SLC16A12: variants seen among roughly 807,000 people sequenced by gnomAD.
SLC16A12 encodes the protein monocarboxylate transporter 12.
In SLC16A12, 17 loss-of-function variants were observed where a neutral mutation model predicts 42.4. The observed-to-expected ratio is 0.40, with a 90% confidence interval of 0.27 to 0.60. The LOEUF is 0.60. SLC16A12 is among the 20% of genes least tolerant of loss of function. The pLI is 0.42. For synonymous variants in SLC16A12, 224 were observed against 229.4 expected (o/e 0.98, Z 0.21); for missense variants, 544 against 623.0 (o/e 0.87, Z 1.35).
At chr10:89,504,733 A>G (rs1225062815) in intron 2 of SLC16A12, among the ~76,000 whole-genome samples, 1 of 152,234 alleles carries the variant, frequency 6.6e-6, no homozygotes, top group Non-Finnish European at 1.5e-5. Flanking sequence ...GATTTATTTT[A>G]TGCTAAAAAC....
intron 2 of SLC16A12, among the ~76,000 whole-genome samples, chr10:89,472,131 T>G (rs1842504413): frequency 6.6e-6 from 1 of 152,222 alleles, no homozygotes; most frequent in African/African-American, 2.4e-5. Context: ...TTTGATGAAT[T>G]GAAATTTATT....
chr10:89,546,798 G>A (rs1843744566), intron 2 of SLC16A12, among the ~76,000 whole-genome samples: 1 of 124,802 alleles, frequency 8.0e-6, no homozygotes, highest in African/African-American at 2.8e-5. Context: ...GCCCATCAAT[G>A]ATAGACTGGA....
At chr10:89,555,514 T>TATATACGTATATATACGTATATAC (rs1843805969) in intron 2 of SLC16A12, among the ~76,000 whole-genome samples, 5 of 121,730 alleles carry the variant, frequency 4.1e-5, no homozygotes, top group Non-Finnish European at 9.1e-5. Flanking sequence ...CGTATATATA[T>TATATACGTATATATACGTATATAC]GTATATATGT....
At chr10:89,478,204 G>A (rs906071872) in intron 2 of SLC16A12, among the ~76,000 whole-genome samples, 3 of 152,150 alleles carry the variant, frequency 2.0e-5, no homozygotes, top group African/African-American at 4.8e-5. Context: ...GAGAGTTGAC[G>A]TAGAAAGTCC....
chr10:89,436,829 A>G (rs919513003), intron 6 of SLC16A12, among the ~76,000 whole-genome samples: 1 of 148,840 alleles, frequency 6.7e-6, no homozygotes, highest in Non-Finnish European at 1.5e-5. Flanking sequence ...GAAGGAAGGA[A>G]GGAAATAAGG....
At position 89,526,758 on chromosome 10, in the gene SLC16A12, G is replaced by A. The variant is rs114084272; in HGVS notation, c.-47+7743C>T. ...AAAGGTGGAAGCTGGACATCGGTCCGCCACCCATTGCCCTCATGCCCTGTA... is the reference window on the plus strand; with the variant it reads ...AAAGGTGGAAGCTGGACATCGGTCCACCACCCATTGCCCTCATGCCCTGTA... On this transcript the variant is annotated intron_variant, in intron 2 of 7. Transcript: ENST00000371790. Among the ~76,000 whole-genome samples, 151 of 152,290 alleles carry A rather than the reference G, an allele frequency of 9.9e-4. 1 individual carries two copies. The highest frequency in any genetic ancestry group is 3.2e-3 in the African/African-American group (135 of 41,550).
chr10:89,529,146 CG>C (rs1212183858), intron 2 of SLC16A12, among the ~76,000 whole-genome samples: 1 of 151,872 alleles, frequency 6.6e-6, no homozygotes, highest in Non-Finnish European at 1.5e-5. Context: ...GTGGTTCCTT[CG>C]GGGGCTATGA....
chr10:89,545,380 CAAA>C (rs1162959862), intron 2 of SLC16A12, among the ~76,000 whole-genome samples: 2 of 152,128 alleles, frequency 1.3e-5, no homozygotes, highest in Non-Finnish European at 2.9e-5. Flanking sequence ...TCTCAGGATA[CAAA>C]ATCAGTGTGC....
chr10:89,556,666 G>T (rs1843817692), upstream of SLC16A12: 1 of 152,260 alleles, frequency 6.6e-6, no homozygotes, highest in African/African-American at 2.4e-5. Flanking sequence ...CCCATACCAT[G>T]GAGGAAGGCA....
At chr10:89,539,578 CAG>C (rs1330372383), upstream of SLC16A12, among the ~76,000 whole-genome samples, 1 of 151,984 alleles carries the variant, frequency 6.6e-6, no homozygotes, top group Non-Finnish European at 1.5e-5. Context: ...TGTGTGGACT[CAG>C]TACAGAAAAA....
At chr10:89,491,122 C>T (rs1050319168) in intron 2 of SLC16A12, among the ~76,000 whole-genome samples, 8 of 152,238 alleles carry the variant, frequency 5.3e-5, no homozygotes, top group African/African-American at 1.4e-4. Context: ...ACCACCCCCA[C>T]TCTCCATGAG....
intron 4 of SLC16A12, among the ~76,000 whole-genome samples, chr10:89,443,093 T>C (rs1297847287): frequency 6.6e-6 from 1 of 152,240 alleles, no homozygotes; most frequent in Non-Finnish European, 1.5e-5. Flanking sequence ...GTTAATTCCA[T>C]ACATTTCTAG....
chr10:89,530,413 GTTTT>G (rs926486449), intron 2 of SLC16A12, among the ~76,000 whole-genome samples: 3 of 145,986 alleles, frequency 2.1e-5, no homozygotes, highest in African/African-American at 5.0e-5. Context: ...AAATTTGGTG[GTTTT>G]TTTTTTTCTT....
In SLC16A12 at chr10:89,518,720, C is replaced by G. The variant is rs199699525; in HGVS notation, c.-47+15781G>C. ...AACAAGTGACCTCCTGGGCCTCCAT[C>G]TTCTACCTACTCATAGGGTTACTCT... On this transcript the variant is annotated intron_variant, in intron 2 of 7. Transcript: ENST00000371790. Among the ~76,000 whole-genome samples the G allele has an allele frequency of 2.6e-5, 4 of 152,290 alleles. No homozygotes were observed. In the East Asian group the frequency reaches 5.8e-4, roughly 22 times the overall value.
upstream of SLC16A12, among the ~76,000 whole-genome samples, chr10:89,537,960 C>T (rs12254170): frequency 0.46 from 69,809 of 152,086 alleles, 18,251 homozygotes; most frequent in African/African-American, 0.73. Context: ...AGTTCAGTAA[C>T]TGTGGGTTGA....
rs191336330 is a variant in SLC16A12, at chr10:89,503,591, A to G, written c.-47+30910T>C. On this transcript the variant is annotated intron_variant, in intron 2 of 7. Transcript: ENST00000371790. ...CATATGAATTTCTAGATGTGCCCAA[A>G]TAAAGAAGAGATGTGGACAGGTAAG... Among the ~76,000 whole-genome samples, 549 of 152,368 alleles carry G rather than the reference A, an allele frequency of 3.6e-3. 3 individuals carry two copies. Among genetic ancestry groups the G allele is most frequent in the African/African-American group, 0.012 (502 of 41,592 alleles).
At position 89,431,101 on chromosome 10, in the gene SLC16A12, G is replaced by A. The variant is rs543415124; in HGVS notation, c.*1963C>T. 1.0e-5 allele frequency: 2 copies of A among 200,836 alleles called. No individual in the cohort carries two copies. The highest frequency in any genetic ancestry group is 8.4e-5 in the South Asian group (1 of 11,958). The allele number at this position is 200,836 out of a possible 1,614,324, so 12.4% of individuals were successfully genotyped here. A position where few individuals can be genotyped will look rare whatever the true frequency, so the allele number is the denominator to read the frequency against. On this transcript the variant is annotated 3_prime_UTR_variant, in exon 8 of 8. Transcript: ENST00000371790. ...CAACCTCCACCTCCTGGGTTCAAGC[G>A]ATTGTCCGGCCTCAGCCTCATGAGT...
At chr10:89,500,209 A>C (rs769457257) in intron 2 of SLC16A12, among the ~76,000 whole-genome samples, 11 of 152,182 alleles carry the variant, frequency 7.2e-5, no homozygotes, top group Non-Finnish European at 1.2e-4. Context: ...TCTACCATAC[A>C]TTCAAAGAAG....
chr10:89,449,556 T>C (rs541204827), intron 3 of SLC16A12, among the ~76,000 whole-genome samples: 25 of 152,346 alleles, frequency 1.6e-4, no homozygotes, highest in East Asian at 9.6e-4. Flanking sequence ...GCTAGCCATA[T>C]GTAGAAAGCT....
Sources: allele counts gnomAD v4.1 joint callset (sites outside exome capture counted in the v4.1 genomes callset), GRCh38; gene constraint gnomAD v4.1.1; transcripts MANE v1.5; gene names NCBI Gene and HGNC (gene_info 2026-07-23, HGNC 2026-07-21).